SLIT3: variants seen among roughly 807,000 people sequenced by gnomAD.
SLIT3 encodes slit homolog 3 protein.
Under a neutral mutation model 184.0 loss-of-function variants are expected in SLIT3, and 68 were observed. The observed-to-expected ratio is 0.37, with a 90% CI of 0.30 to 0.45. The LOEUF is 0.45. Among genes scored for constraint, SLIT3 ranks in the 20% least tolerant of loss-of-function variants. The pLI is 1.00. For synonymous variants in SLIT3, 831 were observed against 828.6 expected (o/e 1.00, Z -0.05); for missense variants, 1,707 against 2,026.0 (o/e 0.84, Z 3.02).
At chr5:168,900,366 G>C (rs764819823) in intron 4 of SLIT3, among the ~76,000 whole-genome samples, 5 of 152,180 alleles carry the variant, frequency 3.3e-5, no homozygotes, top group African/African-American at 4.8e-5. Flanking sequence ...TGTAATCCCA[G>C]CACTTTGGGA....
chr5:169,233,404 C>CT (rs70979127), intron 3 of SLIT3, among the ~76,000 whole-genome samples: 21,755 of 145,140 alleles, frequency 0.15, 1,794 homozygotes, highest in East Asian at 0.25. Flanking sequence ...TAGAAATTGT[C>CT]TTTTTTTTTT....
At chr5:168,938,044 A>T (rs1223666046) in intron 4 of SLIT3, among the ~76,000 whole-genome samples, 5 of 152,214 alleles carry the variant, frequency 3.3e-5, no homozygotes, top group Non-Finnish European at 7.3e-5. Flanking sequence ...TATTTATTAC[A>T]TTACTTTTTC....
intron 4 of SLIT3, among the ~76,000 whole-genome samples, chr5:169,148,075 A>G (rs532166453): frequency 2.6e-5 from 4 of 152,260 alleles, no homozygotes; most frequent in African/African-American, 7.2e-5. Context: ...GTCAGCCATC[A>G]TATCTCCACG....
chr5:168,827,983 T>C (rs1034957799), intron 6 of SLIT3, among the ~76,000 whole-genome samples: 16 of 152,248 alleles, frequency 1.1e-4, no homozygotes, highest in African/African-American at 3.9e-4. Context: ...AGAAATTTTG[T>C]TGGCCCTTGG....
At chr5:168,735,585 G>A (rs1213073112) in intron 20 of SLIT3, among the ~76,000 whole-genome samples, 4 of 151,700 alleles carry the variant, frequency 2.6e-5, no homozygotes, top group South Asian at 2.1e-4. Flanking sequence ...TCTGTGAACA[G>A]TTCTCAGAGC....
In SLIT3 at chr5:168,798,247, A is replaced by C. The variant is rs1207034806; in HGVS notation, c.936-2669T>G. ...TCTTTTTTTTTTTTTTTTAAGAGAC[A>C]GAGTCTTGCTCTGTCACCCAGGCTA... On this transcript the variant is annotated intron_variant, in intron 9 of 35. Coordinates refer to ENST00000519560, the MANE Select transcript of SLIT3 (RefSeq NM_003062.4). Among the ~76,000 whole-genome samples, 41 of 92,764 alleles carry C rather than the reference A, an allele frequency of 4.4e-4. 1 individual carries two copies. Among genetic ancestry groups the C allele is most frequent in the African/African-American group, 2.3e-3 (41 of 17,804 alleles). 60.9% of individuals were successfully genotyped at this position (92,764 alleles called of 152,430 possible).
intron 5 of SLIT3, among the ~76,000 whole-genome samples, chr5:168,850,941 G>C (rs942399406): frequency 1.3e-5 from 2 of 152,166 alleles, no homozygotes; most frequent in Non-Finnish European, 2.9e-5. Flanking sequence ...CTCCACTTCT[G>C]TGTTTACATA....
At chr5:168,743,064 T>C (rs1763686525) in intron 20 of SLIT3, among the ~76,000 whole-genome samples, 1 of 152,160 alleles carries the variant, frequency 6.6e-6, no homozygotes, top group South Asian at 2.1e-4. Flanking sequence ...CCCTGGAGGT[T>C]CACGCCATGT....
At chr5:168,947,081 A>G (rs187318528) in intron 4 of SLIT3, among the ~76,000 whole-genome samples, 271 of 152,304 alleles carry the variant, frequency 1.8e-3, no homozygotes, top group African/African-American at 6.1e-3. Flanking sequence ...CTGCATGAGA[A>G]AGTCAGTATT....
At chr5:169,153,689 G>A (rs1197877697) in intron 4 of SLIT3, among the ~76,000 whole-genome samples, 1 of 152,260 alleles carries the variant, frequency 6.6e-6, no homozygotes, top group East Asian at 1.9e-4. Context: ...TATCTCTTGG[G>A]CAGAGGGGAT....
rs192544395 is a variant in SLIT3, at chr5:168,936,513, G to A, written c.414-53177C>T. On this transcript the variant is annotated intron_variant, in intron 4 of 35. Coordinates refer to ENST00000519560, the MANE Select transcript of SLIT3 (RefSeq NM_003062.4). Reference sequence around the variant, plus strand: ...CTCCCAAAGTGCTGGGATTACAGGCGTGAGCCACCGCGCCTGGTAGCTTTT... The same window carrying A: ...CTCCCAAAGTGCTGGGATTACAGGCATGAGCCACCGCGCCTGGTAGCTTTT... Among the ~76,000 whole-genome samples, 17 of 152,278 alleles carry A rather than the reference G, an allele frequency of 1.1e-4. No individual in the cohort carries two copies. The East Asian group carries it at 2.3e-3, about 21-fold the overall frequency.
intron 4 of SLIT3, among the ~76,000 whole-genome samples, chr5:169,063,511 C>T (rs1056539289): frequency 1.3e-4 from 20 of 152,222 alleles, no homozygotes; most frequent in Admixed American, 9.8e-4. Flanking sequence ...CTTTCTGACC[C>T]GCCTCGGGGG....
chr5:168,879,117 G>C (rs772222931), intron 5 of SLIT3, among the ~76,000 whole-genome samples: 1 of 152,168 alleles, frequency 6.6e-6, no homozygotes, highest in African/African-American at 2.4e-5. Flanking sequence ...TATTTTCTCC[G>C]TGTAGTAAAG....
intron 1 of SLIT3, among the ~76,000 whole-genome samples, chr5:169,298,275 A>G (rs1332488546): frequency 3.9e-5 from 6 of 152,142 alleles, no homozygotes; most frequent in African/African-American, 1.4e-4. Flanking sequence ...GCCACTGCCT[A>G]TTAACGACTG....
intron 5 of SLIT3, among the ~76,000 whole-genome samples, chr5:168,853,187 G>A (rs961224516): frequency 5.3e-5 from 8 of 152,040 alleles, no homozygotes; most frequent in Admixed American, 5.2e-4. Context: ...CATGCTTTTT[G>A]TATTTCTCCT....
intron 4 of SLIT3, among the ~76,000 whole-genome samples, chr5:169,140,162 T>C (rs980534928): frequency 2.0e-5 from 3 of 151,674 alleles, no homozygotes; most frequent in Non-Finnish European, 2.9e-5. Flanking sequence ...GGGGCGAAGG[T>C]GTGCTCACAA....
intron 4 of SLIT3, among the ~76,000 whole-genome samples, chr5:169,027,378 C>A (rs1756868151): frequency 6.6e-6 from 1 of 152,042 alleles, no homozygotes; most frequent in African/African-American, 2.4e-5. Context: ...AAAGACACTT[C>A]CTCTAGCGTA....
chr5:168,708,459 T>A (rs1285951607), intron 25 of SLIT3: 1 of 302,846 alleles, frequency 3.3e-6, no homozygotes, highest in Non-Finnish European at 6.3e-6. Context: ...CCAGGCTCCA[T>A]TCGGACCTCC....
At chr5:168,925,612 G>A (rs1761790257) in intron 4 of SLIT3, among the ~76,000 whole-genome samples, 1 of 150,598 alleles carries the variant, frequency 6.6e-6, no homozygotes, top group South Asian at 2.1e-4. Context: ...AGGTAGATGA[G>A]AAAGATGCCA....
Sources: allele counts gnomAD v4.1 joint callset (sites outside exome capture counted in the v4.1 genomes callset), GRCh38; gene constraint gnomAD v4.1.1; transcripts MANE v1.5; gene names NCBI Gene and HGNC (gene_info 2026-07-23, HGNC 2026-07-21).